CES5A: variants seen among roughly 807,000 people sequenced by gnomAD.
The protein encoded by CES5A is carboxylesterase 5A.
CES5A carries 67 observed loss-of-function variants against 62.9 expected under a neutral mutation model. The observed-to-expected ratio is 1.07, with a 90% CI of 0.88 to 1.31. The LOEUF (loss-of-function observed/expected upper bound fraction) is 1.31, where lower values mean the gene tolerates loss of function less well. CES5A is among the 50% of genes most tolerant of loss of function. The pLI is 0.00. For synonymous variants in CES5A, 296 were observed against 280.8 expected (o/e 1.05, Z -0.54); for missense variants, 748 against 708.5 (o/e 1.06, Z -0.63).
intron 1 of CES5A, among the ~76,000 whole-genome samples, chr16:55,889,065 C>A (rs1453339252): frequency 6.6e-6 from 1 of 151,738 alleles, no homozygotes; most frequent in Admixed American, 6.6e-5. Context: ...GACCTAAACC[C>A]AGGAAAATAT....
chr16:55,859,708 A>G, intron 7 of CES5A, 21 bp from the exon 8 acceptor site: 1 of 1,592,950 alleles, frequency 6.3e-7, no homozygotes. Flanking sequence ...GAAGAAAAAA[A>G]AATCATCAGC....
upstream of CES5A, among the ~76,000 whole-genome samples, chr16:55,927,348 T>C (rs1377342583): frequency 1.3e-5 from 2 of 151,978 alleles, no homozygotes; most frequent in Non-Finnish European, 2.9e-5. Flanking sequence ...TTGGACAAAA[T>C]ATTCACAAAC....
chr16:55,951,744 G>C (rs555746972), intron 1 of CES5A, among the ~76,000 whole-genome samples: 2 of 152,070 alleles, frequency 1.3e-5, no homozygotes, highest in African/African-American at 4.8e-5. Flanking sequence ...CAATAGAGAC[G>C]ATATCTCAGC....
chr16:55,887,280 C>T (rs752876073), intron 1 of CES5A, among the ~76,000 whole-genome samples: 11 of 150,844 alleles, frequency 7.3e-5, no homozygotes, highest in South Asian at 2.1e-4. Context: ...GATGCTTCCA[C>T]GGGTCAACAG....
chr16:55,849,751 GA>G lies in CES5A; in HGVS notation c.1295del (p.Phe432SerfsTer36), dbSNP rs750785748. 6 of 1,613,986 alleles carry G rather than the reference GA, an allele frequency of 3.7e-6. No homozygotes were observed. The Admixed American group carries it at 1.0e-4, about 27-fold the overall frequency. On this transcript the variant is annotated frameshift_variant, in exon 11 of 13. Coordinates refer to ENST00000290567, the MANE Select transcript of CES5A (RefSeq NM_001143685.2). LOFTEE classifies it high-confidence loss of function. ...ACTGAGGCCGGTGCCGAAACTCATA[GA>G]AGTAGACAGGTGCACCAGCATCTGA... ...YHRDAGAPVYFYEFRHRPQCF... is the reference protein window; with the variant it reads ...YHRDAGAPVYXYEFRHRPQCF...
upstream of CES5A, among the ~76,000 whole-genome samples, chr16:55,877,845 C>T (rs898584610): frequency 2.0e-5 from 3 of 152,192 alleles, no homozygotes; most frequent in African/African-American, 7.2e-5. Flanking sequence ...AGCAGAACAG[C>T]TGGAACTAAA....
chr16:55,883,270 G>A (rs1489083341), intron 1 of CES5A, among the ~76,000 whole-genome samples: 2 of 151,758 alleles, frequency 1.3e-5, no homozygotes, highest in Non-Finnish European at 2.9e-5. Context: ...TTTGTTTTTT[G>A]TTTTGTTTTG....
At chr16:55,897,118 G>T (rs1703188157) in intron 1 of CES5A, among the ~76,000 whole-genome samples, 1 of 151,278 alleles carries the variant, frequency 6.6e-6, no homozygotes, top group African/African-American at 2.4e-5. Context: ...CTTGCCTTCT[G>T]CTCCTCTCCA....
At chr16:55,934,491 C>T (rs2034347389) in intron 2 of CES5A, among the ~76,000 whole-genome samples, 1 of 152,166 alleles carries the variant, frequency 6.6e-6, no homozygotes, top group African/African-American at 2.4e-5. Context: ...TTTCCCACTG[C>T]ATGGGGATAG....
Position 55,855,047 on chromosome 16 carries a change from A to G in CES5A, c.1125+1330T>C, listed in dbSNP as rs552416117. Among the ~76,000 whole-genome samples, 16 of 152,206 alleles carry G rather than the reference A, an allele frequency of 1.1e-4. No homozygotes were observed. In the South Asian group the frequency reaches 3.1e-3, roughly 30 times the overall value. ...CCACCCACCCCTTCCATCACCAGAC[A>G]AGCTCCATTAATCCTCCAAATCCTT... On this transcript the variant is annotated intron_variant, in intron 9 of 12. Transcript: ENST00000290567.
chr16:55,938,789 T>TACAC (rs1567362359), intron 2 of CES5A, among the ~76,000 whole-genome samples: 2 of 67,120 alleles, frequency 3.0e-5, no homozygotes, highest in African/African-American at 1.1e-4. Flanking sequence ...TATATATATA[T>TACAC]ATATATATAC....
rs1286314032 is a variant in CES5A, at chr16:55,902,521, T to G, written c.-256+22802A>C. On this transcript the variant is annotated intron_variant, in intron 1 of 12. Transcript: ENST00000518005. ...TAAGGACCTGCCCGTGGGAGGGATG[T>G]GGGAGAGGAGACCACTTTGGATTCT... Among the ~76,000 whole-genome samples, 3 of 150,628 alleles carry G rather than the reference T, an allele frequency of 2.0e-5. No homozygotes were observed. The East Asian group carries it at 5.8e-4, about 29-fold the overall frequency.
Position 55,846,332 on chromosome 16 carries a change from G to A in CES5A, c.*119C>T, listed in dbSNP as rs2033005807. ...ATTCCTAAGTCCATAAAATATCAGC[G>A]AAAGCAGCTTGTTTTGCAAGGATCC... is the stretch of plus-strand genomic sequence containing the variant. On this transcript the variant is annotated 3_prime_UTR_variant, in exon 13 of 13. Transcript: ENST00000290567. 8.0e-6 allele frequency: 6 copies of A among 745,872 alleles called. No individual in the cohort carries two copies. The highest frequency in any genetic ancestry group is 2.7e-5 in the Admixed American group (1 of 36,912). The allele number at this position is 745,872 out of a possible 1,614,324, so 46.2% of individuals were successfully genotyped here.
chr16:55,930,897 A>G (rs1481481119), intron 2 of CES5A, among the ~76,000 whole-genome samples: 1 of 152,206 alleles, frequency 6.6e-6, no homozygotes, highest in African/African-American at 2.4e-5. Context: ...AGCCATTTAT[A>G]GGAATGTCTT....
At chr16:55,950,967 T>C (rs2034550011) in intron 1 of CES5A, among the ~76,000 whole-genome samples, 1 of 151,302 alleles carries the variant, frequency 6.6e-6, no homozygotes, top group South Asian at 2.1e-4. Flanking sequence ...CCAGGCGTGG[T>C]GGTGGGCGCC....
upstream of CES5A, among the ~76,000 whole-genome samples, chr16:55,876,913 A>C (rs1483869546): frequency 6.6e-6 from 1 of 152,202 alleles, no homozygotes; most frequent in Non-Finnish European, 1.5e-5. Context: ...ACTCGAGAAC[A>C]GAGTGAAACC....
In CES5A at chr16:55,856,421, C is replaced by A; in HGVS notation, c.1081G>T (p.Gly361Cys). The change falls in exon 9 of 13, where the codon GGC becomes TGC. Residue 361 changes from glycine (G) to cysteine (C), a missense_variant. By Grantham distance (159) the Gly-to-Cys change is radical. Coordinates refer to ENST00000290567, the MANE Select transcript of CES5A (RefSeq NM_001143685.2). ...PMKEAPEILS[G>C]SNKSLALHLI... ...TGGAGGGCAAGGGACTTGTTGGAGCCACTGAGGATCTCAGGAGCCTCCTTC... is the reference window on the plus strand; with the variant it reads ...TGGAGGGCAAGGGACTTGTTGGAGCAACTGAGGATCTCAGGAGCCTCCTTC... 6.2e-7 allele frequency: 1 copy of A among 1,614,096 alleles called. No homozygotes were observed. Among genetic ancestry groups the A allele is most frequent in the South Asian group, 1.1e-5 (1 of 91,078 alleles).
At chr16:55,880,499 C>G (rs1018990342) in intron 1 of CES5A, among the ~76,000 whole-genome samples, 1 of 152,110 alleles carries the variant, frequency 6.6e-6, no homozygotes. Context: ...AGTAATCTAC[C>G]TTTTTACCCA....
chr16:55,859,751 T>A, intron 7 of CES5A, 64 bp from the exon 8 acceptor site: 1 of 1,521,914 alleles, frequency 6.6e-7, no homozygotes, highest in Admixed American at 2.0e-5. Context: ...CAAAATCTGC[T>A]GTCCCAAATC....
Sources: allele counts gnomAD v4.1 joint callset (sites outside exome capture counted in the v4.1 genomes callset), GRCh38; gene constraint gnomAD v4.1.1; transcripts MANE v1.5; gene names NCBI Gene and HGNC (gene_info 2026-07-23, HGNC 2026-07-21).